The following CNTN5 variants were observed in gnomAD, a reference collection of about 807,000 sequenced individuals.
The protein encoded by CNTN5 is contactin-5.
CNTN5 carries 77 observed loss-of-function variants against 129.1 expected under a neutral mutation model. The ratio of observed to expected loss-of-function variants is 0.60; its 90% CI spans 0.50 to 0.72. The LOEUF (loss-of-function observed/expected upper bound fraction) is 0.72, where lower values mean the gene tolerates loss of function less well. Ranked by LOEUF, CNTN5 falls within the 30% of genes least tolerant of loss-of-function variation. CNTN5 has a pLI of 0.00. For synonymous variants in CNTN5, 509 were observed against 465.6 expected (o/e 1.09, Z -1.20); for missense variants, 1,478 against 1,328.8 (o/e 1.11, Z -1.75).
At chr11:99,050,125 A>T (rs1864368555) in intron 1 of CNTN5, among the ~76,000 whole-genome samples, 1 of 152,230 alleles carries the variant, frequency 6.6e-6, no homozygotes, top group South Asian at 2.1e-4. Flanking sequence ...GTAGAAACAC[A>T]TTCTTTCAGA....
At chr11:100,340,366 G>C in intron 21 of CNTN5, 97 bp from the exon 22 acceptor site, 1 of 802,318 alleles carries the variant, frequency 1.2e-6, no homozygotes, top group Non-Finnish European at 2.0e-6. Context: ...TCCTATGGGT[G>C]GACTCCAGCA....
intron 3 of CNTN5, among the ~76,000 whole-genome samples, chr11:99,778,233 G>C (rs2135373957): frequency 6.6e-6 from 1 of 151,734 alleles, no homozygotes; most frequent in South Asian, 2.1e-4. Flanking sequence ...GTCCTGCTTG[G>C]ATACACAACT....
At chr11:100,253,874 C>G (rs2138720118) in intron 16 of CNTN5, among the ~76,000 whole-genome samples, 1 of 152,180 alleles carries the variant, frequency 6.6e-6, no homozygotes, top group Non-Finnish European at 1.5e-5. Context: ...ACCACCCTAC[C>G]TCTAAAATCA....
chr11:99,567,635 A>G (rs922598990), intron 3 of CNTN5, among the ~76,000 whole-genome samples: 1 of 152,190 alleles, frequency 6.6e-6, no homozygotes, highest in Admixed American at 6.6e-5. Flanking sequence ...CTGCTAATAT[A>G]AATTCTGACT....
At chr11:99,206,820 G>A (rs1859509628) in intron 1 of CNTN5, among the ~76,000 whole-genome samples, 2 of 152,066 alleles carry the variant, frequency 1.3e-5, no homozygotes, top group Admixed American at 1.3e-4. Context: ...TAGCAAAATA[G>A]TAGAATTTTA....
intron 9 of CNTN5, among the ~76,000 whole-genome samples, chr11:100,039,224 A>G (rs546270302): frequency 2.6e-5 from 4 of 152,098 alleles, no homozygotes; most frequent in Non-Finnish European, 5.9e-5. Flanking sequence ...TCCTTTACTT[A>G]TGAAGCTTAA....
intron 13 of CNTN5, among the ~76,000 whole-genome samples, chr11:100,080,908 AG>A (rs1222982334): frequency 1.3e-5 from 2 of 152,172 alleles, no homozygotes; most frequent in African/African-American, 4.8e-5. Flanking sequence ...AAAGGAAGAA[AG>A]GTTTATATCT....
At chr11:100,217,563 A>AT (rs1240367927) in intron 15 of CNTN5, among the ~76,000 whole-genome samples, 3 of 152,136 alleles carry the variant, frequency 2.0e-5, no homozygotes, top group Non-Finnish European at 4.4e-5. Context: ...TAAATGTACA[A>AT]TTTTTTTCTG....
intron 2 of CNTN5, among the ~76,000 whole-genome samples, chr11:99,446,808 G>T (rs1944091338): frequency 6.6e-6 from 1 of 152,074 alleles, no homozygotes; most frequent in South Asian, 2.1e-4. Flanking sequence ...TACAATTTAG[G>T]CTAGTCCTCC....
intron 3 of CNTN5, among the ~76,000 whole-genome samples, chr11:99,575,137 A>C (rs886536949): frequency 4.6e-5 from 7 of 152,216 alleles, no homozygotes; most frequent in Non-Finnish European, 1.0e-4. Context: ...TAAAGTCTCA[A>C]ACTTGGGAAC....
intron 1 of CNTN5, among the ~76,000 whole-genome samples, chr11:99,076,360 A>G (rs1023604713): frequency 1.6e-4 from 24 of 152,022 alleles, no homozygotes; most frequent in African/African-American, 5.8e-4. Flanking sequence ...AAACCAAAAA[A>G]AAGTACTTTA....
At chr11:100,078,968 A>G (rs1249547870) in intron 13 of CNTN5, among the ~76,000 whole-genome samples, 3 of 152,160 alleles carry the variant, frequency 2.0e-5, no homozygotes, top group East Asian at 1.9e-4. Context: ...GAAACGTACA[A>G]TCATGGCGTA....
intron 9 of CNTN5, among the ~76,000 whole-genome samples, chr11:100,017,887 T>C (rs1263182176): frequency 1.3e-5 from 2 of 152,014 alleles, no homozygotes; most frequent in South Asian, 2.1e-4. Flanking sequence ...GTGGGTTTTA[T>C]TGACTATGTG....
chr11:99,483,751 A>G (rs113492412), intron 2 of CNTN5, among the ~76,000 whole-genome samples: 7,520 of 152,208 alleles, frequency 0.049, 201 homozygotes, highest in South Asian at 0.082. Flanking sequence ...AAATTAGTAT[A>G]GAAGCATAAA....
chr11:99,748,460 A>G (rs1944129332), intron 3 of CNTN5, among the ~76,000 whole-genome samples: 1 of 151,966 alleles, frequency 6.6e-6, no homozygotes, highest in Non-Finnish European at 1.5e-5. Context: ...AAGGGGATTT[A>G]TAATAAGAAT....
chr11:99,033,767 A>T (rs1181729097), intron 1 of CNTN5, among the ~76,000 whole-genome samples: 91 of 151,666 alleles, frequency 6.0e-4, no homozygotes, highest in Admixed American at 5.9e-3. Flanking sequence ...TATTTCCTTC[A>T]CCTGCCTAAT....
At chr11:99,788,527 A>T (rs1266544527) in intron 3 of CNTN5, among the ~76,000 whole-genome samples, 2 of 151,932 alleles carry the variant, frequency 1.3e-5, no homozygotes, top group Non-Finnish European at 2.9e-5. Flanking sequence ...TGAAAAATAG[A>T]TTTTAGATTT....
chr11:99,243,739 T>TTA (rs1555087689), intron 1 of CNTN5, among the ~76,000 whole-genome samples: 2 of 127,610 alleles, frequency 1.6e-5, no homozygotes, highest in African/African-American at 5.0e-5. Context: ...ATTGCTTATT[T>TTA]TTTTTTTTTT....
chr11:99,643,201 C>T (rs1951832723), intron 3 of CNTN5, among the ~76,000 whole-genome samples: 1 of 150,694 alleles, frequency 6.6e-6, no homozygotes, highest in Non-Finnish European at 1.5e-5. Context: ...TGCAAAATCT[C>T]AATAATGGGG....
Sources: allele counts gnomAD v4.1 joint callset (sites outside exome capture counted in the v4.1 genomes callset), GRCh38; gene constraint gnomAD v4.1.1; transcripts MANE v1.5; gene names NCBI Gene and HGNC (gene_info 2026-07-23, HGNC 2026-07-21).